Variants in ECH1 observed in about 807,000 individuals in gnomAD.
ECH1 encodes delta(3,5)-Delta(2,4)-dienoyl-CoA isomerase, mitochondrial.
ECH1 carries 30 observed loss-of-function variants against 37.0 expected under a neutral mutation model. That is an observed-to-expected ratio of 0.81 (90% CI 0.61 to 1.10). The LOEUF is 1.10. Among genes scored for constraint, ECH1 ranks in the 50% least tolerant of loss-of-function variants. The pLI is 0.00. For missense variants in ECH1, 456 were observed against 441.6 expected (o/e 1.03, Z -0.29); for synonymous variants, 178 against 176.0 (o/e 1.01, Z -0.09).
At chr19:38,818,323 T>C (rs978893258) in intron 3 of ECH1, 2 of 985,236 alleles carry the variant, frequency 2.0e-6, no homozygotes, top group Non-Finnish European at 2.4e-6. Flanking sequence ...GCAATTTCTG[T>C]GGCTCCAACT....
intron 3 of ECH1, 171 bp downstream of exon 3, chr19:38,830,907 G>A (rs1269183577): frequency 1.6e-6 from 1 of 616,412 alleles, no homozygotes; most frequent in Non-Finnish European, 2.8e-6. Context: ...AGTGAGCTGA[G>A]ATTGCGCTAC....
chr19:38,818,932 T>TGTGTGTGTGTGTGCGC (rs144733422), intron 3 of ECH1, among the ~76,000 whole-genome samples: 12 of 142,752 alleles, frequency 8.4e-5, no homozygotes, highest in African/African-American at 2.4e-4. Context: ...TGTGTGTGTG[T>TGTGTGTGTGTGTGCGC]GCACTGTTCC....
At chr19:38,831,044 A>C in intron 3 of ECH1, 34 bp downstream of exon 3, 1 of 1,591,520 alleles carries the variant, frequency 6.3e-7, no homozygotes, top group South Asian at 1.1e-5. Flanking sequence ...AGGAGCTAGG[A>C]AGGCTGGCAG....
At position 38,816,342 on chromosome 19, in the gene ECH1, G is replaced by A; in HGVS notation, c.673C>T (p.Leu225=). 6.2e-7 allele frequency: 1 copy of A among 1,613,884 alleles called. No homozygotes were observed. Among genetic ancestry groups the A allele is most frequent in the Non-Finnish European group, 8.5e-7 (1 of 1,179,992 alleles). The change falls in exon 8 of 10, where the codon CTG becomes TTG. Residue 225 remains leucine, a synonymous_variant. Coordinates refer to ENST00000221418, the MANE Select transcript of ECH1 (RefSeq NM_001398.3). ...VIGNQSLVNE[L]AFTARKMMAD... ...ATCATCTTGCGGGCGGTGAAGGCCAGCTCGTTGACCAGGCTGCAAAGGCAA... is the reference window on the plus strand; with the variant it reads ...ATCATCTTGCGGGCGGTGAAGGCCAACTCGTTGACCAGGCTGCAAAGGCAA...
intron 2 of ECH1, 42 bp from the exon 3 acceptor site, chr19:38,831,208 A>T (rs1353014217): frequency 1.9e-6 from 3 of 1,605,054 alleles, no homozygotes; most frequent in Non-Finnish European, 2.6e-6. Flanking sequence ...GGGCGGGAAT[A>T]CCCTGCCCTC....
In ECH1 at chr19:38,815,510, G is replaced by A. The variant is rs1640505439; in HGVS notation, c.*103C>T. ...TCATAAAGTTATAAACTGGGAAACT[G>A]GGTCAGAAGGCATAGAAACAACTGT... On this transcript the variant is annotated 3_prime_UTR_variant, in exon 10 of 10. Transcript: ENST00000221418. 3 of 1,078,056 alleles carry A rather than the reference G, an allele frequency of 2.8e-6. No homozygotes were observed. Among genetic ancestry groups the A allele is most frequent in the South Asian group, 1.3e-5 (1 of 74,324 alleles). 66.8% of individuals were successfully genotyped at this position (1,078,056 alleles called of 1,614,324 possible).
chr19:38,817,140 G>A lies in ECH1; in HGVS notation c.524-11C>T. 1 of 1,564,504 alleles carries A rather than the reference G, an allele frequency of 6.4e-7. No homozygotes were observed. The highest frequency in any genetic ancestry group is 8.7e-7 in the Non-Finnish European group (1 of 1,154,428). ...TGACAAGGTCCACACCTAGGAGGTA[G>A]AGGCCAGGGATGCTGAATGACCACC... On this transcript the variant is annotated splice_polypyrimidine_tract_variant and intron_variant, in intron 5 of 9. Coordinates refer to ENST00000221418, the MANE Select transcript of ECH1 (RefSeq NM_001398.3).
rs201526955 is a variant in ECH1, at chr19:38,831,069, G to C, written c.349+9C>G. On this transcript the variant is annotated intron_variant, in intron 3 of 9. Coordinates refer to ENST00000221418, the MANE Select transcript of ECH1 (RefSeq NM_001398.3). Reference sequence around the variant, plus strand: ...AAGGCTGGCAGGGTGTGTGAAGAGCGTCTGGTACCTGCAGTGAACATTTTT... The same window carrying C: ...AAGGCTGGCAGGGTGTGTGAAGAGCCTCTGGTACCTGCAGTGAACATTTTT... The C allele has an allele frequency of 2.9e-3, 4,658 of 1,613,182 alleles. 8 individuals are homozygous for C. The highest frequency in any genetic ancestry group is 3.3e-3 in the Non-Finnish European group (3,932 of 1,179,260).
rs1212506876 is a variant in ECH1 at position 38,816,356 on chromosome 19, C to G, written c.660-1G>C. The G allele has an allele frequency of 2.5e-6, 4 of 1,613,982 alleles. No individual in the cohort carries two copies. In the Admixed American group the frequency reaches 6.7e-5, roughly 27 times the overall value. On this transcript the variant is annotated splice_acceptor_variant, in intron 7 of 9. Coordinates refer to ENST00000221418, the MANE Select transcript of ECH1 (RefSeq NM_001398.3). LOFTEE classifies it high-confidence loss of function. ...GGTGAAGGCCAGCTCGTTGACCAGG[C>G]TGCAAAGGCAAGCGTGCATCAGGAG...
intron 3 of ECH1, among the ~76,000 whole-genome samples, chr19:38,828,021 G>C (rs1162022866): frequency 6.6e-6 from 1 of 151,692 alleles, no homozygotes; most frequent in Non-Finnish European, 1.5e-5. Flanking sequence ...GACCAGACTG[G>C]GCAACATAGC....
chr19:38,819,941 G>A (rs1971636941), intron 3 of ECH1, among the ~76,000 whole-genome samples: 1 of 150,836 alleles, frequency 6.6e-6, no homozygotes, highest in Non-Finnish European at 1.5e-5. Context: ...GACAGAGCAA[G>A]ACCCTGGCTC....
chr19:38,830,929 G>T (rs1291474687), intron 3 of ECH1, 149 bp downstream of exon 3: 1 of 674,544 alleles, frequency 1.5e-6, no homozygotes, highest in East Asian at 2.7e-5. Flanking sequence ...GCACTCCAGC[G>T]TGGCAACAGA....
chr19:38,817,438 C>T lies in ECH1; in HGVS notation c.474+13G>A. 1.9e-6 allele frequency: 3 copies of T among 1,613,004 alleles called. No homozygotes were observed. Among genetic ancestry groups the T allele is most frequent in the Non-Finnish European group, 2.5e-6 (3 of 1,179,574 alleles). Reference sequence around the variant, plus strand: ...CGTATGGAGAAAGATCCCCTCCAGACCCCTAGAGTCACCCTCTCGATGACG... The same window carrying T: ...CGTATGGAGAAAGATCCCCTCCAGATCCCTAGAGTCACCCTCTCGATGACG... On this transcript the variant is annotated intron_variant, in intron 4 of 9. Transcript: ENST00000221418.
At position 38,817,379 on chromosome 19, in the gene ECH1, G is replaced by A. The variant is rs923986335; in HGVS notation, c.475-15C>T. On this transcript the variant is annotated splice_polypyrimidine_tract_variant and intron_variant, in intron 4 of 9. Coordinates refer to ENST00000221418, the MANE Select transcript of ECH1 (RefSeq NM_001398.3). Reference sequence around the variant, plus strand: ...GGCTTGGGGCACTGAGAGGGAACAGGAAGAGTGGGGTCAGGGCTGGCCCAG... The same window carrying A: ...GGCTTGGGGCACTGAGAGGGAACAGAAAGAGTGGGGTCAGGGCTGGCCCAG... 6.2e-7 allele frequency: 1 copy of A among 1,601,396 alleles called. No individual in the cohort carries two copies. Among genetic ancestry groups the A allele is most frequent in the African/African-American group, 1.3e-5 (1 of 74,760 alleles).
At position 38,831,762 on chromosome 19, in the gene ECH1, C is replaced by T. The variant is rs1971830805; in HGVS notation, c.11G>A (p.Gly4Glu). Reference protein sequence around the residue: MAAGIVASRRLRDL... With the variant: MAAEIVASRRLRDL... ...GCGGAGTCTGCGAGAAGCCACTATCCCCGCCGCCATCGCCGCCGCCTTCGT... is the reference window on the plus strand; with the variant it reads ...GCGGAGTCTGCGAGAAGCCACTATCTCCGCCGCCATCGCCGCCGCCTTCGT... Residue 4 changes from glycine (G) to glutamate (E), a missense_variant, in exon 1 of 10, where the codon GGG becomes GAG. Transcript: ENST00000221418. 6.2e-7 allele frequency: 1 copy of T among 1,613,386 alleles called. No homozygotes were observed. Among genetic ancestry groups the T allele is most frequent in the East Asian group, 2.2e-5 (1 of 44,870 alleles).
At chr19:38,821,787 G>A (rs1433897769) in intron 3 of ECH1, among the ~76,000 whole-genome samples, 11 of 152,044 alleles carry the variant, frequency 7.2e-5, no homozygotes, top group Admixed American at 2.6e-4. Flanking sequence ...CCCCGCCGCC[G>A]TGGGCTCCTG....
chr19:38,831,164 T>G lies in ECH1; in HGVS notation c.263A>C (p.Glu88Ala), dbSNP rs1218184558. 1 of 1,614,030 alleles carries G rather than the reference T, an allele frequency of 6.2e-7. No individual in the cohort carries two copies. The highest frequency in any genetic ancestry group is 2.2e-5 in the East Asian group (1 of 44,866). The stretch of plus-strand genomic sequence containing the variant: ...AATCTTGTTGAAGCACTCTACCATC[T>G]CTCTGTGAAGCAACGAGTGAAGGGT... ...RNAMNKVFWR[E>A]MVECFNKISR... is the part of the protein sequence containing the mutation. The change falls in exon 3 of 10, where the codon GAG becomes GCG. Residue 88 changes from glutamate (E) to alanine (A), a missense_variant and splice_region_variant. Glu to Ala is a moderately radical substitution (Grantham distance 107, BLOSUM62 -1). Transcript: ENST00000221418.
At chr19:38,816,622 C>A (rs971290093) in intron 6 of ECH1, 99 bp from the exon 7 acceptor site, 31 of 1,357,108 alleles carry the variant, frequency 2.3e-5, no homozygotes, top group Non-Finnish European at 2.9e-5. Context: ...AGAGTCCCGC[C>A]CCACCTTCAC....
At chr19:38,816,581 G>A in intron 6 of ECH1, 58 bp from the exon 7 acceptor site, 1 of 1,586,740 alleles carries the variant, frequency 6.3e-7, no homozygotes, top group Non-Finnish European at 8.6e-7. Context: ...CCCTCGCAAT[G>A]TCAACGTCCA....
Sources: allele counts gnomAD v4.1 joint callset (sites outside exome capture counted in the v4.1 genomes callset), GRCh38; gene constraint gnomAD v4.1.1; transcripts MANE v1.5; gene names NCBI Gene and HGNC (gene_info 2026-07-23, HGNC 2026-07-21).